Variants in NR2C1 observed in about 807,000 individuals in gnomAD.
The protein encoded by NR2C1 is TR2 nuclear hormone receptor.
In NR2C1, 33 loss-of-function variants were observed where a neutral mutation model predicts 74.8. That is an observed-to-expected ratio of 0.44 (90% confidence interval 0.33 to 0.59). NR2C1 has a LOEUF of 0.59. NR2C1 is among the 20% of genes least tolerant of loss of function. NR2C1 has a pLI of 0.02. For missense variants in NR2C1, 568 were observed against 715.6 expected, an observed-to-expected ratio of 0.79 and a Z score of 2.35; for synonymous variants, 225 against 240.6, an observed-to-expected ratio of 0.94 and a Z score of 0.60.
intron 10 of NR2C1, among the ~76,000 whole-genome samples, chr12:95,036,802 G>C (rs149306007): frequency 0.021 from 3,159 of 152,056 alleles, 102 homozygotes; most frequent in African/African-American, 0.072. Context: ...TGAGCCACCA[G>C]GCCTGGCCTA....
intron 9 of NR2C1, among the ~76,000 whole-genome samples, chr12:95,043,834 A>G (rs1277091628): frequency 6.6e-6 from 1 of 152,226 alleles, no homozygotes; most frequent in Non-Finnish European, 1.5e-5. Flanking sequence ...TGGTTTAATC[A>G]TAAAATGGAA....
rs937217444 is a variant in NR2C1, at chr12:95,021,196, T to C, written c.*1033A>G. 6.6e-6 allele frequency: 1 copy of C among 152,062 alleles called. No individual in the cohort carries two copies. The highest frequency in any genetic ancestry group is 1.5e-5 in the Non-Finnish European group (1 of 68,002). 9.4% of individuals were successfully genotyped at this position (152,062 alleles called of 1,614,324 possible). A position where few individuals can be genotyped will look rare whatever the true frequency, so the allele number is the denominator to read the frequency against. On this transcript the variant is annotated 3_prime_UTR_variant, in exon 14 of 14. Coordinates refer to ENST00000333003, the MANE Select transcript of NR2C1 (RefSeq NM_003297.4). ...AGTGAAACATTTTGGGCTCAATTAG[T>C]CTTTATTACTTTCTTTCTTTTTACA... is the stretch of plus-strand genomic sequence containing the variant.
chr12:95,067,466 T>A, intron 1 of NR2C1, 75 bp from the exon 2 acceptor site: 1 of 1,123,190 alleles, frequency 8.9e-7, no homozygotes, highest in Admixed American at 2.1e-5. Context: ...AATAAAACTA[T>A]ATGATATTTA....
At chr12:95,045,760 A>G (rs1416574421) in intron 9 of NR2C1, among the ~76,000 whole-genome samples, 1 of 152,218 alleles carries the variant, frequency 6.6e-6, no homozygotes, top group Non-Finnish European at 1.5e-5. Context: ...TATTCTTAAA[A>G]TCTTCTAAGG....
intron 1 of NR2C1, among the ~76,000 whole-genome samples, chr12:95,071,361 T>G (rs191628686): frequency 6.6e-6 from 1 of 152,300 alleles, no homozygotes; most frequent in African/African-American, 2.4e-5. Flanking sequence ...AAAGGTGCAT[T>G]TTTCTAGACA....
intron 4 of NR2C1, among the ~76,000 whole-genome samples, chr12:95,059,222 A>G (rs1314530254): frequency 6.6e-6 from 1 of 151,864 alleles, no homozygotes; most frequent in African/African-American, 2.4e-5. Flanking sequence ...GAATTGCTTG[A>G]ACCCAGGAGG....
chr12:95,039,065 C>T (rs79053272), intron 10 of NR2C1, among the ~76,000 whole-genome samples: 3,153 of 152,060 alleles, frequency 0.021, 101 homozygotes, highest in African/African-American at 0.072. Context: ...AAGAACTCAT[C>T]TCTTAAACAA....
In NR2C1 at chr12:95,038,663, C is replaced by T. The variant is rs532241763; in HGVS notation, c.1253+1813G>A. Among the ~76,000 whole-genome samples, 3 of 152,286 alleles carry T rather than the reference C, an allele frequency of 2.0e-5. No homozygotes were observed. The East Asian group carries it at 5.8e-4, about 29-fold the overall frequency. The stretch of plus-strand genomic sequence containing the variant: ...GTCCCAGCTACTCAGGAGGCTGAGG[C>T]ATAAGAATTGCTTGAAACTGAGAGG... On this transcript the variant is annotated intron_variant, in intron 10 of 13. Transcript: ENST00000333003.
intron 1 of NR2C1, among the ~76,000 whole-genome samples, chr12:95,070,281 A>G (rs1171264477): frequency 2.6e-5 from 4 of 151,940 alleles, no homozygotes; most frequent in Non-Finnish European, 5.9e-5. Flanking sequence ...ACAGGCATGC[A>G]CCACCATGCC....
At chr12:95,030,510 T>C (rs540186495) in intron 11 of NR2C1, 5 of 1,587,652 alleles carry the variant, frequency 3.1e-6, no homozygotes, top group Non-Finnish European at 4.3e-6. Flanking sequence ...GTAGGCTTTA[T>C]AACCATTACA....
chr12:95,029,713 C>T (rs538220493), intron 11 of NR2C1, among the ~76,000 whole-genome samples: 1 of 151,888 alleles, frequency 6.6e-6, no homozygotes. Context: ...CTTGCCACCA[C>T]GCCTGGCTAA....
chr12:95,057,829 G>A lies in NR2C1; in HGVS notation c.594C>T (p.Ser198=), dbSNP rs1003047716. 1 of 1,613,846 alleles carries A rather than the reference G, an allele frequency of 6.2e-7. No individual in the cohort carries two copies. Among genetic ancestry groups the A allele is most frequent in the African/African-American group, 1.3e-5 (1 of 74,930 alleles). ...TTTTTTCTGTTGAAGCGGCACAGTT[G>A]GAAGATTTTTCTCGTGATACTTCAA... ...KPIEVSREKS[S]NCAASTEKIY... The change falls in exon 6 of 14, where the codon TCC becomes TCT. Residue 198 remains serine, a synonymous_variant. Coordinates refer to ENST00000333003, the MANE Select transcript of NR2C1 (RefSeq NM_003297.4).
intron 1 of NR2C1, among the ~76,000 whole-genome samples, chr12:95,072,063 T>C (rs950735195): frequency 2.0e-5 from 3 of 150,588 alleles, no homozygotes; most frequent in African/African-American, 7.3e-5. Context: ...CCACTTTTAA[T>C]GATAGAAATA....
At chr12:95,067,668 A>G (rs1592798822) in intron 1 of NR2C1, among the ~76,000 whole-genome samples, 1 of 151,402 alleles carries the variant, frequency 6.6e-6, no homozygotes, top group Admixed American at 6.6e-5. Flanking sequence ...GGCTCAAGTG[A>G]TCCTCCCACC....
chr12:95,065,992 G>A (rs1247498496), intron 2 of NR2C1, among the ~76,000 whole-genome samples: 7 of 150,578 alleles, frequency 4.6e-5, no homozygotes, highest in African/African-American at 7.3e-5. Context: ...CCTCTGTTGT[G>A]CTATCAAATA....
intron 7 of NR2C1, 122 bp downstream of exon 7, chr12:95,057,431 A>C: frequency 2.9e-6 from 2 of 697,874 alleles, no homozygotes; most frequent in Non-Finnish European, 4.5e-6. Flanking sequence ...TATTAAAAAA[A>C]AAAAGGCAAC....
chr12:95,052,907 A>G (rs1873234229), intron 7 of NR2C1, among the ~76,000 whole-genome samples: 1 of 152,112 alleles, frequency 6.6e-6, no homozygotes, highest in Non-Finnish European at 1.5e-5. Flanking sequence ...AAAGAAATAG[A>G]TCAGTTACCC....
At chr12:95,030,735 C>T (rs1340928172) in intron 11 of NR2C1, 1 of 1,605,484 alleles carries the variant, frequency 6.2e-7, no homozygotes, top group Admixed American at 1.7e-5. Context: ...TAAATTATTC[C>T]TGAGCTCAAA....
intron 9 of NR2C1, among the ~76,000 whole-genome samples, chr12:95,046,664 G>C (rs1390971465): frequency 6.6e-6 from 1 of 152,168 alleles, no homozygotes; most frequent in Non-Finnish European, 1.5e-5. Context: ...GTGAAAATAT[G>C]CTGCAAACTA....
Sources: gnomAD v4.1 joint callset for allele counts (sites outside exome capture counted in the v4.1 genomes callset) on GRCh38, gnomAD v4.1.1 for gene constraint, MANE v1.5 for transcripts, NCBI Gene and HGNC (gene_info 2026-07-23, HGNC 2026-07-21) for gene names.